Variants in ANO2 observed in about 807,000 individuals in gnomAD.
ANO2 encodes anoctamin-2.
Under a neutral mutation model 124.2 loss-of-function variants are expected in ANO2, and 101 were observed. That is an observed-to-expected ratio of 0.81 (90% CI 0.69 to 0.96). ANO2 has a LOEUF of 0.96. Among genes scored for constraint, ANO2 ranks in the 40% least tolerant of loss-of-function variants. The pLI is 0.00. For missense variants in ANO2, 1,293 were observed against 1,274.5 expected (o/e 1.01, Z -0.22); for synonymous variants, 486 against 482.5 (o/e 1.01, Z -0.09).
At chr12:5,848,097 A>G (rs6489663) in intron 4 of ANO2, among the ~76,000 whole-genome samples, 132,483 of 152,234 alleles carry the variant, frequency 0.87, 59,145 homozygotes, top group East Asian at 1. Flanking sequence ...ATCAGTGCAA[A>G]CAATGGTCAC....
intron 10 of ANO2, among the ~76,000 whole-genome samples, chr12:5,751,693 TTTTG>T (rs1021937700): frequency 3.7e-4 from 57 of 152,294 alleles, no homozygotes; most frequent in African/African-American, 1.2e-3. Flanking sequence ...CTCACCCTTG[TTTTG>T]TTTAATTAAA....
chr12:5,889,498 G>C lies in ANO2; in HGVS notation c.534+31542C>G, dbSNP rs114092993. Among the ~76,000 whole-genome samples, 537 of 152,360 alleles carry C rather than the reference G, an allele frequency of 3.5e-3. 4 individuals are homozygous for C. The highest frequency in any genetic ancestry group is 0.013 in the African/African-American group (523 of 41,586). On this transcript the variant is annotated intron_variant, in intron 3 of 24. Coordinates refer to ENST00000682330, the MANE Select transcript of ANO2 (RefSeq NM_001364791.2). ...ACAAAAAGACACTTGGTAAAACATG[G>C]GTCAGCATAATAAGTGTCCAGGAGC...
intron 14 of ANO2, among the ~76,000 whole-genome samples, chr12:5,680,348 A>G (rs1948436738): frequency 6.6e-6 from 1 of 152,226 alleles, no homozygotes; most frequent in East Asian, 1.9e-4. Flanking sequence ...TGGAGTTTCT[A>G]TCTGGGACCT....
Position 5,938,751 on chromosome 12 carries a change from G to A in ANO2, c.22+6445C>T, listed in dbSNP as rs183567023. The stretch of plus-strand genomic sequence containing the variant: ...GAGGCAGGAGAATTGCTTGAACCCG[G>A]GAGGCAGAGGTTGCAGTGAGCCAAG... On this transcript the variant is annotated intron_variant, in intron 1 of 24. Coordinates refer to ENST00000682330, the MANE Select transcript of ANO2 (RefSeq NM_001364791.2). Among the ~76,000 whole-genome samples the A allele has an allele frequency of 1.2e-4, 19 of 152,126 alleles. No individual in the cohort carries two copies. In the East Asian group the frequency reaches 3.3e-3, roughly 26 times the overall value.
At chr12:5,767,461 T>A (rs577500066) in intron 10 of ANO2, among the ~76,000 whole-genome samples, 5 of 152,086 alleles carry the variant, frequency 3.3e-5, no homozygotes, top group African/African-American at 7.2e-5. Flanking sequence ...ATACTATAAA[T>A]GGACTATGGT....
At chr12:5,942,409 G>A (rs1942932437) in intron 1 of ANO2, among the ~76,000 whole-genome samples, 2 of 152,188 alleles carry the variant, frequency 1.3e-5, no homozygotes. Context: ...TCGTTATGTT[G>A]GGCAATGTCT....
At chr12:5,681,677 C>G (rs1045258851) in intron 14 of ANO2, among the ~76,000 whole-genome samples, 2 of 152,204 alleles carry the variant, frequency 1.3e-5, no homozygotes, top group Non-Finnish European at 2.9e-5. Flanking sequence ...TTCCTCTAAC[C>G]TTTTCCTTCC....
At chr12:5,731,755 C>A (rs551871151) in intron 14 of ANO2, among the ~76,000 whole-genome samples, 1 of 152,146 alleles carries the variant, frequency 6.6e-6, no homozygotes, top group African/African-American at 2.4e-5. Flanking sequence ...CTGCATGCCA[C>A]CATGAAACTG....
rs1451967965 is a variant in ANO2, at chr12:5,615,281, T to C, written c.1833A>G (p.Glu611=). The C allele has an allele frequency of 1.2e-6, 2 of 1,613,118 alleles. No individual in the cohort carries two copies. Among genetic ancestry groups the C allele is most frequent in the Non-Finnish European group, 1.7e-6 (2 of 1,179,516 alleles). ...GGATCAGGCGCTCTTCAAAAGTCTG[T>C]TCTGTTTTCGGAACCTCTGTAAGAG... ...WLTKIEVPKT[E]QTFEERLILK... Residue 611 remains glutamate (E), a synonymous_variant, in exon 17 of 25, where the codon GAA becomes GAG. Coordinates refer to ENST00000682330, the MANE Select transcript of ANO2 (RefSeq NM_001364791.2).
chr12:5,749,774 C>T (rs937965284), intron 11 of ANO2, among the ~76,000 whole-genome samples: 1 of 152,192 alleles, frequency 6.6e-6, no homozygotes, highest in Non-Finnish European at 1.5e-5. Flanking sequence ...TAATCTTCTG[C>T]TATGTTCCAG....
At chr12:5,579,807 T>C (rs1591658770) in intron 20 of ANO2, among the ~76,000 whole-genome samples, 1 of 152,244 alleles carries the variant, frequency 6.6e-6, no homozygotes, top group East Asian at 1.9e-4. Context: ...CTCCTAATTG[T>C]CCCCTGCCAC....
intron 16 of ANO2, among the ~76,000 whole-genome samples, chr12:5,622,856 C>T (rs553813744): frequency 4.0e-4 from 60 of 151,408 alleles, no homozygotes; most frequent in Non-Finnish European, 7.8e-4. Flanking sequence ...CCCAGCTACT[C>T]GGGAGGCTGA....
At chr12:5,613,776 C>T (rs1944661995) in intron 17 of ANO2, among the ~76,000 whole-genome samples, 1 of 152,184 alleles carries the variant, frequency 6.6e-6, no homozygotes, top group Non-Finnish European at 1.5e-5. Context: ...TGATAGTGTG[C>T]TGTTGCTAAG....
intron 14 of ANO2, among the ~76,000 whole-genome samples, chr12:5,730,753 T>C (rs1950600361): frequency 6.6e-6 from 1 of 152,160 alleles, no homozygotes; most frequent in Non-Finnish European, 1.5e-5. Flanking sequence ...TTAAAGAAAC[T>C]GAGGAAACAC....
intron 19 of ANO2, among the ~76,000 whole-genome samples, chr12:5,611,826 A>G (rs1186665678): frequency 1.3e-5 from 2 of 152,160 alleles, no homozygotes; most frequent in African/African-American, 2.4e-5. Context: ...GGTCATCTTT[A>G]AAGTGATTTT....
At chr12:5,852,848 CGTGTGTGTGTGTGTGTGT>C (rs71445682) in intron 4 of ANO2, among the ~76,000 whole-genome samples, 8 of 123,876 alleles carry the variant, frequency 6.5e-5, no homozygotes, top group Non-Finnish European at 8.4e-5. Flanking sequence ...TGGAAAGGGA[CGTGTGTGTGTGTGTGTGT>C]GTGTGTGTGT....
At chr12:5,916,995 C>T (rs1014626344) in intron 3 of ANO2, among the ~76,000 whole-genome samples, 1 of 152,130 alleles carries the variant, frequency 6.6e-6, no homozygotes, top group Non-Finnish European at 1.5e-5. Context: ...AGTCTGATGA[C>T]AGGGACGCTG....
chr12:5,648,617 A>AGGT, intron 14 of ANO2, among the ~76,000 whole-genome samples: 1 of 152,174 alleles, frequency 6.6e-6, no homozygotes, highest in Non-Finnish European at 1.5e-5. Context: ...CAGCTCTGCT[A>AGGT]ATTAAACAGC....
At chr12:5,920,594 G>A (rs572900956) in intron 3 of ANO2, among the ~76,000 whole-genome samples, 1 of 152,250 alleles carries the variant, frequency 6.6e-6, no homozygotes, top group South Asian at 2.1e-4. Flanking sequence ...GGCCAGGCAC[G>A]GTGGCTCACA....
Sources: gnomAD v4.1 joint callset for allele counts (sites outside exome capture counted in the v4.1 genomes callset) on GRCh38, gnomAD v4.1.1 for gene constraint, MANE v1.5 for transcripts, NCBI Gene and HGNC (gene_info 2026-07-23, HGNC 2026-07-21) for gene names.